The following AJAP1 variants were observed in gnomAD, a reference collection of about 807,000 sequenced individuals.
The protein encoded by AJAP1 is adherens junctions associated protein 1, also known as adherens junction-associated protein 1.
In AJAP1, 5 loss-of-function variants were observed where a neutral mutation model predicts 35.0. The observed-to-expected ratio is 0.14, with a 90% CI of 0.07 to 0.30. The LOEUF is 0.30. Ranked by LOEUF, AJAP1 falls within the 10% of genes least tolerant of loss-of-function variation. AJAP1 has a pLI of 1.00. For synonymous variants in AJAP1, 284 were observed against 249.3 expected (o/e 1.14, Z -1.31); for missense variants, 586 against 571.0 (o/e 1.03, Z -0.27).
chr1:4,704,527 G>T (rs555539128), intron 1 of AJAP1, among the ~76,000 whole-genome samples: 47 of 152,228 alleles, frequency 3.1e-4, no homozygotes, highest in Middle Eastern at 3.4e-3. Context: ...TGGTGTATAT[G>T]TGCCACATTT....
intron 1 of AJAP1, among the ~76,000 whole-genome samples, chr1:4,670,226 C>G (rs1639222347): frequency 6.6e-6 from 1 of 152,176 alleles, no homozygotes; most frequent in South Asian, 2.1e-4. Flanking sequence ...GGGCCTGTGG[C>G]AGCCGGTCTG....
chr1:4,716,720 G>T (rs1397259060), intron 2 of AJAP1, among the ~76,000 whole-genome samples: 1 of 149,262 alleles, frequency 6.7e-6, no homozygotes, highest in African/African-American at 2.5e-5. Context: ...AGATGATGAT[G>T]ATGGTGATGA....
intron 1 of AJAP1, among the ~76,000 whole-genome samples, chr1:4,664,406 G>T (rs115364326): frequency 0.013 from 1,907 of 152,248 alleles, 39 homozygotes; most frequent in African/African-American, 0.043. Flanking sequence ...AAAAGGACAT[G>T]CCTGGAGCTT....
rs1003142839 is a variant in AJAP1 at position 4,786,526 on chromosome 1, T to C, written c.*4041T>C. 6 of 152,190 alleles carry C rather than the reference T, an allele frequency of 3.9e-5. No homozygotes were observed. The highest frequency in any genetic ancestry group is 1.4e-4 in the African/African-American group (6 of 41,444). 9.4% of individuals were successfully genotyped at this position (152,190 alleles called of 1,614,324 possible). On this transcript the variant is annotated 3_prime_UTR_variant, in exon 6 of 6. Transcript: ENST00000378191. The stretch of plus-strand genomic sequence containing the variant: ...TTTTAGCGTCAGGAAAAGCCATGCT[T>C]AGAGGGATTGGTCTTCAAAATTTTG...
intron 2 of AJAP1, among the ~76,000 whole-genome samples, chr1:4,745,863 C>G (rs571762962): frequency 8.5e-5 from 13 of 152,060 alleles, no homozygotes; most frequent in Admixed American, 6.5e-4. Flanking sequence ...CTTGGGGACA[C>G]GTGGTGGGAG....
At position 4,705,395 on chromosome 1, in the gene AJAP1, CTTTTTTTTTTTTTTTTT is replaced by C. The variant is rs58022692; in HGVS notation, c.30-6487_30-6471del. On this transcript the variant is annotated intron_variant, in intron 1 of 5. Transcript: ENST00000378191. ...AGCCAAATGGGGAAGTTTTGAAGAG[CTTTTTTTTTTTTTTTTT>C]TTTTTTTTTTTTTTTTTAATGAGTA... 6.7e-3 allele frequency among the ~76,000 whole-genome samples: 160 copies of C among 23,814 alleles called. 1 individual carries two copies. The highest frequency in any genetic ancestry group is 0.038 in the Middle Eastern group (1 of 26). 15.6% of individuals were successfully genotyped at this position (23,814 alleles called of 152,430 possible).
intron 5 of AJAP1, among the ~76,000 whole-genome samples, chr1:4,779,201 A>G (rs1476111076): frequency 6.6e-6 from 1 of 152,182 alleles, no homozygotes; most frequent in Non-Finnish European, 1.5e-5. Flanking sequence ...TGAGATTTGC[A>G]ACTTGAAATC....
chr1:4,772,406 G>C lies in AJAP1; in HGVS notation c.1044G>C (p.Thr348=). The change falls in exon 4 of 6, where the codon ACG becomes ACC. Residue 348 remains threonine, a synonymous_variant. Transcript: ENST00000378191. Reference sequence around the variant, plus strand: ...TGCCCAGCAGCCTGGACATATTCACGGCCTATAACGAGACCCTGCAGTGTT... The same window carrying C: ...TGCCCAGCAGCCTGGACATATTCACCGCCTATAACGAGACCCTGCAGTGTT... ...ARVPSSLDIF[T]AYNETLQCSH... The C allele has an allele frequency of 6.2e-7, 1 of 1,614,212 alleles. No homozygotes were observed. Among genetic ancestry groups the C allele is most frequent in the South Asian group, 1.1e-5 (1 of 91,084 alleles).
chr1:4,673,902 G>C (rs753401878), intron 1 of AJAP1, among the ~76,000 whole-genome samples: 2 of 151,934 alleles, frequency 1.3e-5, no homozygotes, highest in Non-Finnish European at 2.9e-5. Flanking sequence ...GAAATGAATT[G>C]AACCTCATTA....
chr1:4,715,213 G>C (rs1640361729), intron 2 of AJAP1, among the ~76,000 whole-genome samples: 1 of 152,230 alleles, frequency 6.6e-6, no homozygotes, highest in East Asian at 1.9e-4. Flanking sequence ...TAAGGCAGCA[G>C]AAGTGGTCTT....
intron 1 of AJAP1, among the ~76,000 whole-genome samples, chr1:4,699,645 T>C (rs72638815): frequency 0.096 from 14,542 of 152,202 alleles, 811 homozygotes; most frequent in African/African-American, 0.14. Context: ...ATGATGGAGC[T>C]GTCTTGAAAA....
At chr1:4,745,385 T>C (rs1412537105) in intron 2 of AJAP1, among the ~76,000 whole-genome samples, 1 of 151,978 alleles carries the variant, frequency 6.6e-6, no homozygotes, top group Non-Finnish European at 1.5e-5. Context: ...TTACCAGCCT[T>C]GCTTCTGTCC....
chr1:4,699,487 G>A (rs577878364), intron 1 of AJAP1, among the ~76,000 whole-genome samples: 1 of 152,340 alleles, frequency 6.6e-6, no homozygotes. Flanking sequence ...TGTTTTGGAA[G>A]CTGGCGATAA....
At chr1:4,740,061 A>G (rs72638877) in intron 2 of AJAP1, among the ~76,000 whole-genome samples, 13,807 of 152,182 alleles carry the variant, frequency 0.091, 710 homozygotes, top group South Asian at 0.16. Context: ...AGATGTGCGC[A>G]TACCCATGTT....
At chr1:4,763,909 CCTT>C (rs1209784939) in intron 2 of AJAP1, among the ~76,000 whole-genome samples, 3 of 149,234 alleles carry the variant, frequency 2.0e-5, no homozygotes, top group Non-Finnish European at 4.5e-5. Context: ...GCCTCCCTCT[CCTT>C]CTCTCCCTCT....
chr1:4,790,275 C>G lies in AJAP1; in HGVS notation c.*7790C>G, dbSNP rs981186430. ...GGAAACACCATTCTCTATTATTTCT[C>G]TCACATACATGTGGATTTCTAATAT... On this transcript the variant is annotated 3_prime_UTR_variant, in exon 6 of 6. Transcript: ENST00000378191. 2 of 152,256 alleles carry G rather than the reference C, an allele frequency of 1.3e-5. No homozygotes were observed. The highest frequency in any genetic ancestry group is 4.8e-5 in the African/African-American group (2 of 41,474). 9.4% of individuals were successfully genotyped at this position (152,256 alleles called of 1,614,324 possible).
At chr1:4,672,578 G>A (rs2100517749) in intron 1 of AJAP1, among the ~76,000 whole-genome samples, 1 of 152,294 alleles carries the variant, frequency 6.6e-6, no homozygotes, top group South Asian at 2.1e-4. Context: ...CAGGATAGAG[G>A]CCCTTCCATT....
chr1:4,763,589 G>T lies in AJAP1; in HGVS notation c.830-6264G>T, dbSNP rs539160957. ...AGGTGTTTCTGGAAGAGATTGGCACGTGAAATAATGGACTGAGTCTGGAAG... is the reference window on the plus strand; with the variant it reads ...AGGTGTTTCTGGAAGAGATTGGCACTTGAAATAATGGACTGAGTCTGGAAG... On this transcript the variant is annotated intron_variant, in intron 2 of 5. Transcript: ENST00000378191. 2.0e-5 allele frequency among the ~76,000 whole-genome samples: 3 copies of T among 152,276 alleles called. No individual in the cohort carries two copies. The South Asian group carries it at 6.2e-4, about 32-fold the overall frequency.
At chr1:4,739,882 T>C (rs1340430747) in intron 2 of AJAP1, among the ~76,000 whole-genome samples, 1 of 152,146 alleles carries the variant, frequency 6.6e-6, no homozygotes, top group Non-Finnish European at 1.5e-5. Flanking sequence ...GAGTGTCTGA[T>C]AAGGGGCAGA....
Sources: allele counts gnomAD v4.1 joint callset (sites outside exome capture counted in the v4.1 genomes callset), GRCh38; gene constraint gnomAD v4.1.1; transcripts MANE v1.5; gene names NCBI Gene and HGNC (gene_info 2026-07-23, HGNC 2026-07-21).